Variants in TNFRSF18 observed in about 807,000 individuals in gnomAD.
The protein encoded by TNFRSF18 is tumor necrosis factor receptor superfamily member 18.
In TNFRSF18, 36 loss-of-function variants were observed where a neutral mutation model predicts 30.2. The ratio of observed to expected loss-of-function variants is 1.19; its 90% CI spans 0.91 to 1.58. TNFRSF18 has a LOEUF of 1.58. TNFRSF18 is among the 40% of genes most tolerant of loss of function. The pLI is 0.00. For synonymous variants in TNFRSF18, 173 were observed against 158.3 expected, an observed-to-expected ratio of 1.09 and a Z score of -0.70; for missense variants, 369 against 345.4, an observed-to-expected ratio of 1.07 and a Z score of -0.54.
Position 1,206,487 on chromosome 1 carries a change from TG to T in TNFRSF18, c.84del (p.Thr29ProfsTer138), listed in dbSNP as rs1165590167. The T allele has an allele frequency of 6.5e-7, 1 of 1,546,116 alleles. No homozygotes were observed. Among genetic ancestry groups the T allele is most frequent in the African/African-American group, 1.4e-5 (1 of 72,542 alleles). On this transcript the variant is annotated frameshift_variant, in exon 1 of 5. Transcript: ENST00000379268. LOFTEE classifies it high-confidence loss of function. ...LLCALSLGQR[P>X]TGGPGCGPGR... ...CCAGGGCCGCACCCGGGACCCCCGG[TG>T]GGGCGCTGACCCAGGCTGAGCGCGC...
At position 1,206,425 on chromosome 1, in the gene TNFRSF18, G is replaced by A; in HGVS notation, c.147C>T (p.Cys49=). The A allele has an allele frequency of 6.5e-7, 1 of 1,547,492 alleles. No individual in the cohort carries two copies. The highest frequency in any genetic ancestry group is 8.7e-7 in the Non-Finnish European group (1 of 1,146,274). Residue 49 remains cysteine (C), a synonymous_variant, in exon 1 of 5, where the codon TGC becomes TGT. Coordinates refer to ENST00000379268, the MANE Select transcript of TNFRSF18 (RefSeq NM_004195.3). The part of the protein sequence containing the change: ...LLLGTGTDAR[C]CRVHTTRCCR... Reference sequence around the variant, plus strand: ...AGCAGCGCGTCGTGTGAACCCGGCAGCAGCGCGCGTCCGTTCCCGTCCCAA... The same window carrying A: ...AGCAGCGCGTCGTGTGAACCCGGCAACAGCGCGCGTCCGTTCCCGTCCCAA...
In TNFRSF18 at chr1:1,204,342, C is replaced by T. The variant is rs1343272044; in HGVS notation, c.398+57G>A. The stretch of plus-strand genomic sequence containing the variant: ...CTGGGGCAAGGGACAGGAGAGGACC[C>T]TTCCTCAGAGTGGGCCTGGACCACC... On this transcript the variant is annotated intron_variant, in intron 3 of 4. Coordinates refer to ENST00000379268, the MANE Select transcript of TNFRSF18 (RefSeq NM_004195.3). The T allele has an allele frequency of 3.8e-6, 6 of 1,599,272 alleles. No individual in the cohort carries two copies. In the East Asian group the frequency reaches 1.4e-4, roughly 36 times the overall value.
At chr1:1,203,993 G>A in intron 4 of TNFRSF18, 25 bp from the exon 5 acceptor site, 2 of 1,606,916 alleles carry the variant, frequency 1.2e-6, no homozygotes, top group Non-Finnish European at 1.7e-6. Flanking sequence ...CGGTCAGCAG[G>A]CAGCCATGCT....
At chr1:1,205,261 C>A (rs1028640408) in intron 2 of TNFRSF18, 109 bp downstream of exon 2, 34 of 1,509,040 alleles carry the variant, frequency 2.3e-5, no homozygotes, top group Non-Finnish European at 2.6e-5. Context: ...GGACTCCGGA[C>A]CCCACACACC....
At chr1:1,204,004 C>T in intron 4 of TNFRSF18, 30 bp downstream of exon 4, 1 of 1,607,582 alleles carries the variant, frequency 6.2e-7, no homozygotes. Context: ...CAGCCATGCT[C>T]CCACCTCCCC....
rs370360309 is a variant in TNFRSF18 at position 1,206,371 on chromosome 1, C to T, written c.187+14G>A. On this transcript the variant is annotated intron_variant, in intron 1 of 4. Transcript: ENST00000379268. Reference sequence around the variant, plus strand: ...CCTTGGCCGGTCCGCGTTAAGTAAACGCGGTTTACTTACCCGGGTAATCGC... The same window carrying T: ...CCTTGGCCGGTCCGCGTTAAGTAAATGCGGTTTACTTACCCGGGTAATCGC... 1.9e-3 allele frequency: 3,012 copies of T among 1,545,752 alleles called. 5 individuals carry two copies. Among genetic ancestry groups the T allele is most frequent in the Non-Finnish European group, 2.0e-3 (2,330 of 1,145,698 alleles).
At chr1:1,205,905 C>T (rs908500272) in intron 1 of TNFRSF18, among the ~76,000 whole-genome samples, 2 of 152,242 alleles carry the variant, frequency 1.3e-5, no homozygotes, top group Non-Finnish European at 2.9e-5. Context: ...CTTCCCAACC[C>T]ACAGGCCCTG....
chr1:1,206,370 ACGCGGTTTACTTACCCGGGTAAT>A lies in TNFRSF18; in HGVS notation c.179_187+14del. On this transcript the variant is annotated splice_donor_variant and splice_donor_5th_base_variant and coding_sequence_variant and intron_variant, in exon 1 of 5. Transcript: ENST00000379268. LOFTEE classifies it high-confidence loss of function. ...GCCTTGGCCGGTCCGCGTTAAGTAAACGCGGTTTACTTACCCGGGTAATCGCGGCAGCAGCGCGTCGTGTGAAC... is the reference window on the plus strand; with the variant it reads ...GCCTTGGCCGGTCCGCGTTAAGTAAACGCGGCAGCAGCGCGTCGTGTGAAC... 1.9e-6 allele frequency: 3 copies of A among 1,545,348 alleles called. No homozygotes were observed. Among genetic ancestry groups the A allele is most frequent in the Non-Finnish European group, 2.6e-6 (3 of 1,145,566 alleles).
In TNFRSF18 at chr1:1,204,048, C is replaced by G. The variant is rs1203813754; in HGVS notation, c.587G>C (p.Cys196Ser). 6.2e-7 allele frequency: 1 copy of G among 1,606,230 alleles called. No homozygotes were observed. The highest frequency in any genetic ancestry group is 8.5e-7 in the Non-Finnish European group (1 of 1,177,282). ...CTGTGACAGACCTCGGGGCCACATG[C>G]ACTGACTCCTCAGCTGCCAGATGTG... ...GLHIWQLRSQ[C>S]MWPRETQLLL... Residue 196 changes from cysteine to serine, a missense_variant, in exon 4 of 5, where the codon TGC becomes TCC. By Grantham distance (112) the Cys-to-Ser change is moderately radical. Coordinates refer to ENST00000379268, the MANE Select transcript of TNFRSF18 (RefSeq NM_004195.3).
Position 1,206,416 on chromosome 1 carries a change from A to G in TNFRSF18, c.156T>C (p.Val52=). ...GTGTDARCCR[V]HTTRCCRDYP... is the part of the protein sequence containing the mutation. ...AATCGCGGCAGCAGCGCGTCGTGTGAACCCGGCAGCAGCGCGCGTCCGTTC... is the reference window on the plus strand; with the variant it reads ...AATCGCGGCAGCAGCGCGTCGTGTGGACCCGGCAGCAGCGCGCGTCCGTTC... The change falls in exon 1 of 5, where the codon GTT becomes GTC. Residue 52 remains valine, a synonymous_variant. Coordinates refer to ENST00000379268, the MANE Select transcript of TNFRSF18 (RefSeq NM_004195.3). 2 of 1,547,208 alleles carry G rather than the reference A, an allele frequency of 1.3e-6. No individual in the cohort carries two copies.
At chr1:1,205,312 C>T (rs1253968304) in intron 2 of TNFRSF18, 58 bp downstream of exon 2, 19 of 1,578,072 alleles carry the variant, frequency 1.2e-5, no homozygotes, top group Non-Finnish European at 1.5e-5. Context: ...AGCTCTGCCT[C>T]GGGCCCTAGT....
In TNFRSF18 at chr1:1,203,884, G is replaced by T. The variant is rs763921252; in HGVS notation, c.686C>A (p.Ser229Ter). The change falls in exon 5 of 5, where the codon TCG (serine) becomes TAG (stop). Residue 229 changes from serine (S) to a stop codon, truncating the protein, a stop_gained. Coordinates refer to ENST00000379268, the MANE Select transcript of TNFRSF18 (RefSeq NM_004195.3). LOFTEE classifies it high-confidence loss of function. The part of the protein sequence containing the change: ...QFPEEERGER[S>*]AEEKGRLGDL... ...TCCCAGCCGCCCCTTCTCCTCTGCC[G>T]ATCGCTCGCCCCGCTCTTCCTCGGG... The T allele has an allele frequency of 2.3e-5, 37 of 1,604,164 alleles. No individual in the cohort carries two copies. Among genetic ancestry groups the T allele is most frequent in the South Asian group, 1.4e-4 (13 of 90,348 alleles).
chr1:1,206,256 G>T (rs1648820192), intron 1 of TNFRSF18, 129 bp downstream of exon 1: 1 of 1,076,722 alleles, frequency 9.3e-7, no homozygotes, highest in South Asian at 1.7e-5. Context: ...CCCGCTGCTG[G>T]CGGCTCTGTG....
intron 1 of TNFRSF18, among the ~76,000 whole-genome samples, 200 bp downstream of exon 1, chr1:1,206,185 C>T (rs1299839371): frequency 6.6e-6 from 1 of 152,196 alleles, no homozygotes; most frequent in Non-Finnish European, 1.5e-5. Context: ...CGGCCGGGGC[C>T]ACTGGCTGGA....
At position 1,203,910 on chromosome 1, in the gene TNFRSF18, G is replaced by C. The variant is rs1648664049; in HGVS notation, c.660C>G (p.Phe220Leu). Reference protein sequence around the residue: ...PSTEDARSCQFPEEERGERSA... With the variant: ...PSTEDARSCQLPEEERGERSA... ...ATCGCTCGCCCCGCTCTTCCTCGGG[G>C]AACTGGCAGCTTCTGGCGTCTTCGG... is the stretch of plus-strand genomic sequence containing the variant. The change falls in exon 5 of 5, where the codon TTC (phenylalanine) becomes TTG (leucine). Residue 220 changes from phenylalanine to leucine, a missense_variant. By Grantham distance (22) the Phe-to-Leu change is conservative. Transcript: ENST00000379268. The C allele has an allele frequency of 6.2e-7, 1 of 1,607,624 alleles. No individual in the cohort carries two copies. The highest frequency in any genetic ancestry group is 1.1e-5 in the South Asian group (1 of 90,872).
At chr1:1,206,090 C>T (rs1648810971) in intron 1 of TNFRSF18, among the ~76,000 whole-genome samples, 1 of 152,184 alleles carries the variant, frequency 6.6e-6, no homozygotes, top group African/African-American at 2.4e-5. Flanking sequence ...TCACGACCCG[C>T]CCAGCAGGAC....
At position 1,206,446 on chromosome 1, in the gene TNFRSF18, C is replaced by T. The variant is rs1400553988; in HGVS notation, c.126G>A (p.Gly42=). ...PGCGPGRLLL[G]TGTDARCCRV... The stretch of plus-strand genomic sequence containing the variant: ...GGCAGCAGCGCGCGTCCGTTCCCGT[C>T]CCAAGCAGGAGGCGCCCAGGGCCGC... The change falls in exon 1 of 5, where the codon GGG becomes GGA. Residue 42 remains glycine, a synonymous_variant. Transcript: ENST00000379268. 7 of 1,547,624 alleles carry T rather than the reference C, an allele frequency of 4.5e-6. No homozygotes were observed. In the South Asian group the frequency reaches 8.3e-5, roughly 18 times the overall value.
In TNFRSF18 at chr1:1,205,462, A is replaced by G. The variant is rs543547772; in HGVS notation, c.218T>C (p.Met73Thr). Residue 73 changes from methionine to threonine, a missense_variant, in exon 2 of 5, where the codon ATG becomes ACG. Met to Thr is a moderately conservative substitution (Grantham distance 81). Transcript: ENST00000379268. ...GEECCSEWDC[M>T]CVQPEFHCGD... ...GCAGTGGAATTCAGGCTGGACACAC[A>G]TGCAGTCCCACTCGGAACAGCACTC... The G allele has an allele frequency of 8.7e-6, 14 of 1,612,478 alleles. No individual in the cohort carries two copies. Among genetic ancestry groups the G allele is most frequent in the East Asian group, 2.2e-5 (1 of 44,866 alleles).
chr1:1,204,369 G>A (rs545987136), intron 3 of TNFRSF18, 30 bp downstream of exon 3: 117 of 1,608,826 alleles, frequency 7.3e-5, no homozygotes, highest in South Asian at 2.9e-4. Context: ...TGGACCACCC[G>A]GCCACCGGCA....
Sources: allele counts gnomAD v4.1 joint callset (sites outside exome capture counted in the v4.1 genomes callset), GRCh38; gene constraint gnomAD v4.1.1; transcripts MANE v1.5; gene names NCBI Gene and HGNC (gene_info 2026-07-23, HGNC 2026-07-21).